The following COL9A1 variants were observed in gnomAD, a reference collection of about 807,000 sequenced individuals.
COL9A1 encodes collagen alpha-1(IX) chain.
COL9A1 carries 104 observed loss-of-function variants against 142.6 expected under a neutral mutation model. The ratio of observed to expected loss-of-function variants is 0.73; its 90% CI spans 0.62 to 0.86. The LOEUF (loss-of-function observed/expected upper bound fraction) is 0.86, where lower values mean the gene tolerates loss of function less well. Among genes scored for constraint, COL9A1 ranks in the 40% least tolerant of loss-of-function variants. The pLI, the probability that COL9A1 is intolerant of heterozygous loss-of-function variation, is 0.00. For synonymous variants in COL9A1, 466 were observed against 396.0 expected (o/e 1.18, Z -2.10); for missense variants, 1,210 against 1,176.6 (o/e 1.03, Z -0.42).
chr6:70,269,495 C>T, intron 16 of COL9A1, 138 bp downstream of exon 16: 1 of 674,306 alleles, frequency 1.5e-6, no homozygotes. Context: ...ACTAGCGTTA[C>T]AGACTGCTCT....
rs140258388 is a variant in COL9A1 at position 70,300,106 on chromosome 6, C to T, written c.236G>A (p.Gly79Glu). The stretch of plus-strand genomic sequence containing the variant: ...GTAAGCCACCTGCAATGTAGCTGAT[C>T]CCACTACTCTCTGGATAGCTCTTCT... ...ASRRAIQRVV[G>E]SATLQVAYKL... Residue 79 changes from glycine to glutamate, a missense_variant, in exon 4 of 38, where the codon GGA becomes GAA. By Grantham distance (98) the Gly-to-Glu change is moderately conservative. Coordinates refer to ENST00000357250, the MANE Select transcript of COL9A1 (RefSeq NM_001851.6). 1 of 1,613,778 alleles carries T rather than the reference C, an allele frequency of 6.2e-7. No homozygotes were observed. The highest frequency in any genetic ancestry group is 1.3e-5 in the African/African-American group (1 of 74,978).
chr6:70,269,906 A>G (rs1772278640), intron 15 of COL9A1, among the ~76,000 whole-genome samples: 1 of 152,218 alleles, frequency 6.6e-6, no homozygotes, highest in Non-Finnish European at 1.5e-5. Flanking sequence ...GAGGCAAAAT[A>G]GAAAATGTGG....
chr6:70,218,571 G>A (rs1768676729), intron 37 of COL9A1, among the ~76,000 whole-genome samples: 1 of 152,018 alleles, frequency 6.6e-6, no homozygotes, highest in Non-Finnish European at 1.5e-5. Flanking sequence ...ATCTTAACCT[G>A]GTCTTTCAGC....
Position 70,283,823 on chromosome 6 carries a change from G to A in COL9A1, c.697-3C>T, listed in dbSNP as rs1205003273. On this transcript the variant is annotated splice_polypyrimidine_tract_variant and splice_region_variant and intron_variant, in intron 5 of 37. Coordinates refer to ENST00000357250, the MANE Select transcript of COL9A1 (RefSeq NM_001851.6). Reference sequence around the variant, plus strand: ...ATCAGCATCCATTGAAGTTCAAACTGGAGAAAGGTAGTAGACAGTCAGGTA... The same window carrying A: ...ATCAGCATCCATTGAAGTTCAAACTAGAGAAAGGTAGTAGACAGTCAGGTA... 3 of 1,601,966 alleles carry A rather than the reference G, an allele frequency of 1.9e-6. No individual in the cohort carries two copies. The highest frequency in any genetic ancestry group is 1.7e-5 in the Admixed American group (1 of 58,656).
At chr6:70,273,968 T>G in intron 12 of COL9A1, 79 bp downstream of exon 12, 1 of 737,500 alleles carries the variant, frequency 1.4e-6, no homozygotes, top group African/African-American at 1.9e-5. Context: ...AATAAATAAA[T>G]AAATAAAAAG....
rs1452724483 is a variant in COL9A1, at chr6:70,271,643, T to C, written c.1143+12A>G. On this transcript the variant is annotated intron_variant, in intron 14 of 37. Coordinates refer to ENST00000357250, the MANE Select transcript of COL9A1 (RefSeq NM_001851.6). Reference sequence around the variant, plus strand: ...TCAGCAAACGTCTATCAAAGTGCACTGTGGTACTCACAACAGGTCCTACAC... The same window carrying C: ...TCAGCAAACGTCTATCAAAGTGCACCGTGGTACTCACAACAGGTCCTACAC... 1 of 1,612,594 alleles carries C rather than the reference T, an allele frequency of 6.2e-7. No individual in the cohort carries two copies. The highest frequency in any genetic ancestry group is 1.1e-5 in the South Asian group (1 of 91,060).
chr6:70,252,292 C>G lies in COL9A1; in HGVS notation c.1788G>C (p.Lys596Asn), dbSNP rs764085463. The change falls in exon 27 of 38, where the codon AAG becomes AAC. Residue 596 changes from lysine (K) to asparagine (N), a missense_variant. Transcript: ENST00000357250. ...TGCCTGAATTTCCCATCTGACCAGG[C>G]TTCCCTGGAGCACCTGTGCTACCCT... ...GEKGSTGAPG[K>N]PGQMGNSGKP... 6.8e-6 allele frequency: 11 copies of G among 1,614,088 alleles called. No individual in the cohort carries two copies. Among genetic ancestry groups the G allele is most frequent in the African/African-American group, 2.7e-5 (2 of 74,926 alleles).
chr6:70,302,219 T>C, intron 1 of COL9A1, 145 bp from the exon 2 acceptor site: 16 of 619,710 alleles, frequency 2.6e-5, no homozygotes, highest in Admixed American at 1.2e-4. Context: ...TTTTTTTTTT[T>C]TTTTTTTTGA....
intron 36 of COL9A1, among the ~76,000 whole-genome samples, chr6:70,229,864 T>C (rs10155684): frequency 0.043 from 6,552 of 152,264 alleles, 251 homozygotes; most frequent in East Asian, 0.11. Flanking sequence ...ATTTGAGGCA[T>C]ATTTCTACTA....
chr6:70,271,729 C>A (rs1217820281), intron 13 of COL9A1, 21 bp from the exon 14 acceptor site: 2 of 1,609,016 alleles, frequency 1.2e-6, no homozygotes, highest in South Asian at 1.1e-5. Context: ...CAAATCAAAG[C>A]AAATGGTCAT....
In COL9A1 at chr6:70,262,085, C is replaced by G. The variant is rs191880395; in HGVS notation, c.1395+1159G>C. On this transcript the variant is annotated intron_variant, in intron 19 of 37. Coordinates refer to ENST00000357250, the MANE Select transcript of COL9A1 (RefSeq NM_001851.6). ...TGTTTTAGAATGTTGTTTGCAAAAC[C>G]CTGTTTTGAGAATCTTTGGGAATGG... Among the ~76,000 whole-genome samples, 471 of 152,026 alleles carry G rather than the reference C, an allele frequency of 3.1e-3. 1 individual carries two copies. Among genetic ancestry groups the G allele is most frequent in the African/African-American group, 0.011 (437 of 41,442 alleles).
chr6:70,283,176 G>A (rs529452231), intron 6 of COL9A1: 13 of 1,498,050 alleles, frequency 8.7e-6, no homozygotes, highest in Middle Eastern at 2.4e-4. Context: ...CGGGAGTAGC[G>A]GTTGCCAAAG....
At chr6:70,230,473 T>G (rs1277213175) in intron 36 of COL9A1, among the ~76,000 whole-genome samples, 1 of 152,150 alleles carries the variant, frequency 6.6e-6, no homozygotes, top group Non-Finnish European at 1.5e-5. Flanking sequence ...CACTTCATGT[T>G]ATAGATTATG....
intron 18 of COL9A1, 34 bp downstream of exon 18, chr6:70,266,683 C>A (rs770866192): frequency 6.5e-7 from 1 of 1,546,158 alleles, no homozygotes; most frequent in Non-Finnish European, 8.9e-7. Context: ...AACTCCTAAT[C>A]ACAATTTATC....
At position 70,295,671 on chromosome 6, in the gene COL9A1, T is replaced by C. The variant is rs534460778; in HGVS notation, c.300-1108A>G. On this transcript the variant is annotated intron_variant, in intron 4 of 37. Transcript: ENST00000357250. ...AAATGGCAGAATAAAACCAGTAGTG[T>C]CCCTGAGGCATCTCTACCCTATACA... is the stretch of plus-strand genomic sequence containing the variant. Among the ~76,000 whole-genome samples the C allele has an allele frequency of 6.6e-5, 10 of 152,246 alleles. No individual in the cohort carries two copies. The East Asian group carries it at 1.5e-3, about 23-fold the overall frequency.
chr6:70,222,464 T>G (rs924166725), intron 37 of COL9A1, among the ~76,000 whole-genome samples: 3 of 152,230 alleles, frequency 2.0e-5, no homozygotes, highest in African/African-American at 7.2e-5. Flanking sequence ...GCATGTGTAC[T>G]TTTTAAACAA....
Position 70,300,393 on chromosome 6 carries a change from A to T in COL9A1, c.89-7T>A. 6.3e-7 allele frequency: 1 copy of T among 1,579,462 alleles called. No individual in the cohort carries two copies. Among genetic ancestry groups the T allele is most frequent in the Non-Finnish European group, 8.7e-7 (1 of 1,148,848 alleles). Reference sequence around the variant, plus strand: ...TTGGAATTGACAGGGAATCCTGCAAAAGAGATAGCATGTCATTCTACTTCA... The same window carrying T: ...TTGGAATTGACAGGGAATCCTGCAATAGAGATAGCATGTCATTCTACTTCA... On this transcript the variant is annotated splice_region_variant and splice_polypyrimidine_tract_variant and intron_variant, in intron 2 of 37. Transcript: ENST00000357250.
At chr6:70,221,276 T>C (rs1413398817) in intron 37 of COL9A1, among the ~76,000 whole-genome samples, 1 of 152,164 alleles carries the variant, frequency 6.6e-6, no homozygotes, top group African/African-American at 2.4e-5. Flanking sequence ...AAGTGAATAA[T>C]TTTCACATTA....
intron 21 of COL9A1, 145 bp from the exon 22 acceptor site, chr6:70,255,535 G>T (rs1187385830): frequency 2.8e-6 from 2 of 722,482 alleles, no homozygotes; most frequent in Non-Finnish European, 4.8e-6. Flanking sequence ...AGATGAAGAA[G>T]TCTTTTTATA....
Sources: allele counts gnomAD v4.1 joint callset (sites outside exome capture counted in the v4.1 genomes callset), GRCh38; gene constraint gnomAD v4.1.1; transcripts MANE v1.5; gene names NCBI Gene and HGNC (gene_info 2026-07-23, HGNC 2026-07-21).